MARCHF3: variants seen among roughly 807,000 people sequenced by gnomAD.
The protein encoded by MARCHF3 is membrane associated ring-CH-type finger 3.
Under a neutral mutation model 24.2 loss-of-function variants are expected in MARCHF3, and 13 were observed. The observed-to-expected ratio is 0.54, with a 90% CI of 0.35 to 0.85. The LOEUF (loss-of-function observed/expected upper bound fraction) is 0.85, where lower values mean the gene tolerates loss of function less well. Ranked by LOEUF, MARCHF3 falls within the 40% of genes least tolerant of loss-of-function variation. MARCHF3 has a pLI of 0.01. For synonymous variants in MARCHF3, 144 were observed against 137.3 expected, an observed-to-expected ratio of 1.05 and a Z score of -0.34; for missense variants, 276 against 325.0, an observed-to-expected ratio of 0.85 and a Z score of 1.16.
intron 1 of MARCHF3, among the ~76,000 whole-genome samples, chr5:126,945,941 T>C (rs1346952121): frequency 6.6e-6 from 1 of 152,184 alleles, no homozygotes; most frequent in East Asian, 1.9e-4. Flanking sequence ...GATGTACACA[T>C]TCTGTAGTGG....
At chr5:126,987,117 C>T (rs73786265) in intron 1 of MARCHF3, among the ~76,000 whole-genome samples, 7,856 of 152,236 alleles carry the variant, frequency 0.052, 378 homozygotes, top group South Asian at 0.14. Flanking sequence ...ATCTAATCAG[C>T]TGAAGGCCAT....
intron 1 of MARCHF3, among the ~76,000 whole-genome samples, chr5:126,975,825 C>T (rs1751175517): frequency 6.6e-6 from 1 of 152,238 alleles, no homozygotes; most frequent in African/African-American, 2.4e-5. Flanking sequence ...CACATGGATG[C>T]ACCCAAAGTG....
At chr5:126,923,487 C>CCA (rs764119902) in intron 1 of MARCHF3, among the ~76,000 whole-genome samples, 20 of 152,310 alleles carry the variant, frequency 1.3e-4, no homozygotes, top group Non-Finnish European at 2.4e-4. Context: ...TGCTGGCTGG[C>CCA]ACTGACATGG....
At chr5:126,972,970 A>AG (rs1458603636) in intron 1 of MARCHF3, among the ~76,000 whole-genome samples, 1 of 152,246 alleles carries the variant, frequency 6.6e-6, no homozygotes. Flanking sequence ...CACATGATAT[A>AG]TCAGTTTAAA....
At chr5:126,935,778 T>C (rs912096344) in intron 1 of MARCHF3, among the ~76,000 whole-genome samples, 6 of 151,872 alleles carry the variant, frequency 4.0e-5, no homozygotes, top group African/African-American at 1.5e-4. Context: ...GCCTGGCTAA[T>C]TTTTGTATTC....
chr5:126,912,538 C>T (rs553515434), intron 3 of MARCHF3, among the ~76,000 whole-genome samples: 6 of 152,146 alleles, frequency 3.9e-5, no homozygotes, highest in African/African-American at 1.4e-4. Context: ...TAACACTAAT[C>T]TTAATCCTTA....
chr5:126,972,184 C>T (rs181629491), intron 1 of MARCHF3, among the ~76,000 whole-genome samples: 203 of 143,634 alleles, frequency 1.4e-3, no homozygotes, highest in Admixed American at 2.4e-3. Context: ...GTTAGGAGTA[C>T]AACGAGTGGG....
chr5:127,009,742 GAAACC>G (rs1398048118), intron 1 of MARCHF3, among the ~76,000 whole-genome samples: 1 of 152,166 alleles, frequency 6.6e-6, no homozygotes, highest in Non-Finnish European at 1.5e-5. Flanking sequence ...ATTAAAGTAT[GAAACC>G]TATTGGTGAC....
intron 1 of MARCHF3, among the ~76,000 whole-genome samples, chr5:126,987,105 T>C (rs1255923636): frequency 6.6e-6 from 1 of 152,220 alleles, no homozygotes; most frequent in Non-Finnish European, 1.5e-5. Context: ...TGGGTAGGCC[T>C]CATCTAATCA....
At chr5:126,970,078 T>A (rs1337015577) in intron 1 of MARCHF3, among the ~76,000 whole-genome samples, 2 of 151,686 alleles carry the variant, frequency 1.3e-5, no homozygotes, top group Non-Finnish European at 2.9e-5. Context: ...TCTTCTTCTT[T>A]TTTCTTTTTT....
At chr5:126,924,962 A>G (rs971943517) in intron 1 of MARCHF3, among the ~76,000 whole-genome samples, 1 of 152,248 alleles carries the variant, frequency 6.6e-6, no homozygotes, top group Non-Finnish European at 1.5e-5. Context: ...CATTCCAAAT[A>G]AAGTGACCAT....
chr5:126,989,576 T>C (rs190685884), intron 1 of MARCHF3, among the ~76,000 whole-genome samples: 52 of 152,138 alleles, frequency 3.4e-4, no homozygotes, highest in South Asian at 1.7e-3. Context: ...AAATGGATAA[T>C]AGCTCCACAG....
intron 1 of MARCHF3, among the ~76,000 whole-genome samples, chr5:127,024,484 G>A (rs929208183): frequency 6.6e-6 from 1 of 152,150 alleles, no homozygotes; most frequent in African/African-American, 2.4e-5. Flanking sequence ...AAGACATCAG[G>A]TCAAACGGGG....
intron 1 of MARCHF3, among the ~76,000 whole-genome samples, chr5:126,959,723 AAG>A (rs1436145124): frequency 1.3e-5 from 2 of 152,164 alleles, no homozygotes; most frequent in African/African-American, 4.8e-5. Flanking sequence ...TGTTCTAAAA[AAG>A]AGTTTATTTA....
intron 1 of MARCHF3, among the ~76,000 whole-genome samples, chr5:126,941,378 T>A (rs1200571460): frequency 2.0e-5 from 3 of 152,280 alleles, no homozygotes; most frequent in African/African-American, 4.8e-5. Context: ...GCCTATTTTT[T>A]AAAAGTTATT....
intron 1 of MARCHF3, among the ~76,000 whole-genome samples, chr5:126,985,053 TA>T (rs768208445): frequency 6.6e-6 from 1 of 152,130 alleles, no homozygotes; most frequent in African/African-American, 2.4e-5. Flanking sequence ...AAACTCTCCC[TA>T]CTCTCCCCCA....
chr5:126,914,082 C>T (rs1402143773), intron 3 of MARCHF3, among the ~76,000 whole-genome samples: 2 of 141,862 alleles, frequency 1.4e-5, no homozygotes, highest in East Asian at 4.3e-4. Flanking sequence ...CATCCAGGTT[C>T]TTGCCATTCT....
intron 3 of MARCHF3, among the ~76,000 whole-genome samples, chr5:126,899,739 G>C (rs999977855): frequency 6.6e-6 from 1 of 152,016 alleles, no homozygotes. Flanking sequence ...CACAGCTCAG[G>C]GTGTTTTTTA....
chr5:126,984,927 T>C (rs908451956), intron 1 of MARCHF3, among the ~76,000 whole-genome samples: 1 of 152,194 alleles, frequency 6.6e-6, no homozygotes, highest in Admixed American at 6.5e-5. Flanking sequence ...AGTGAGTGCA[T>C]GACTCTAGTG....
Sources: allele counts gnomAD v4.1 joint callset (sites outside exome capture counted in the v4.1 genomes callset), GRCh38; gene constraint gnomAD v4.1.1; transcripts MANE v1.5; gene names NCBI Gene and HGNC (gene_info 2026-07-23, HGNC 2026-07-21).